Variants in SPAG16 observed in about 807,000 individuals in gnomAD.
SPAG16 encodes sperm associated antigen 16, also known as sperm-associated antigen 16 protein.
SPAG16 carries 86 observed loss-of-function variants against 80.4 expected under a neutral mutation model. The observed-to-expected ratio is 1.07, with a 90% confidence interval of 0.90 to 1.28. The LOEUF (loss-of-function observed/expected upper bound fraction) is 1.28, where lower values mean the gene tolerates loss of function less well. Among genes scored for constraint, SPAG16 ranks in the 50% most tolerant of loss-of-function variants. The probability of loss-of-function intolerance (pLI) is 0.00; values close to 1 mark genes in which losing one functional copy is unlikely to be tolerated. For missense variants in SPAG16, 870 were observed against 765.3 expected (o/e 1.14, Z -1.61); for synonymous variants, 294 against 265.9 (o/e 1.11, Z -1.03).
At chr2:213,385,620 G>A (rs951663896) in intron 9 of SPAG16, among the ~76,000 whole-genome samples, 5 of 152,158 alleles carry the variant, frequency 3.3e-5, no homozygotes, top group African/African-American at 1.2e-4. Context: ...TATATTGTAA[G>A]AATGGCATGT....
At chr2:213,956,437 T>C (rs1323694575) in intron 12 of SPAG16, among the ~76,000 whole-genome samples, 2 of 136,024 alleles carry the variant, frequency 1.5e-5, no homozygotes, top group African/African-American at 5.1e-5. Context: ...CTTTACTCCA[T>C]TTTTTTTCCT....
At chr2:214,172,818 T>C (rs1443379887) in intron 15 of SPAG16, among the ~76,000 whole-genome samples, 3 of 152,134 alleles carry the variant, frequency 2.0e-5, no homozygotes, top group African/African-American at 7.2e-5. Context: ...TGGTATCTCA[T>C]TGTGGTTTTG....
At chr2:214,268,359 T>C (rs1383661496) in intron 15 of SPAG16, among the ~76,000 whole-genome samples, 1 of 151,902 alleles carries the variant, frequency 6.6e-6, no homozygotes, top group African/African-American at 2.4e-5. Context: ...CCCATGTTGA[T>C]TGTAGTACTC....
chr2:214,274,902 T>C (rs1021409985), intron 15 of SPAG16, among the ~76,000 whole-genome samples: 15 of 152,210 alleles, frequency 9.9e-5, no homozygotes, highest in African/African-American at 2.9e-4. Context: ...TCTAGTAGAA[T>C]TGAGCTGTGA....
At chr2:214,056,825 A>C (rs2049969537) in intron 13 of SPAG16, among the ~76,000 whole-genome samples, 1 of 152,204 alleles carries the variant, frequency 6.6e-6, no homozygotes, top group Non-Finnish European at 1.5e-5. Flanking sequence ...TTTATCAGTT[A>C]AGTTTATGGA....
At position 213,393,248 on chromosome 2, in the gene SPAG16, T is replaced by A. The variant is rs1346130901; in HGVS notation, c.942+18129T>A. On this transcript the variant is annotated intron_variant, in intron 9 of 15. Transcript: ENST00000331683. ...AACATTTTGAAAACTTTGGTCATTA[T>A]AAATACTTACATTAGCTATATTTCA... Among the ~76,000 whole-genome samples, 3 of 152,054 alleles carry A rather than the reference T, an allele frequency of 2.0e-5. No homozygotes were observed. The East Asian group carries it at 5.8e-4, about 29-fold the overall frequency.
intron 13 of SPAG16, among the ~76,000 whole-genome samples, chr2:214,057,508 G>A (rs2050008654): frequency 1.3e-5 from 2 of 151,982 alleles, no homozygotes; most frequent in Non-Finnish European, 2.9e-5. Context: ...AGGCTTTATT[G>A]TTCCATTCAT....
intron 11 of SPAG16, among the ~76,000 whole-genome samples, chr2:213,914,050 A>C: frequency 6.6e-6 from 1 of 152,148 alleles, no homozygotes; most frequent in East Asian, 1.9e-4. Context: ...ATGTTTGACC[A>C]AACATTGTGG....
At chr2:214,030,554 T>C (rs1392049493) in intron 13 of SPAG16, among the ~76,000 whole-genome samples, 1 of 152,190 alleles carries the variant, frequency 6.6e-6, no homozygotes, top group African/African-American at 2.4e-5. Context: ...AGTGCCATAG[T>C]TAGAAATTTG....
At chr2:213,777,937 G>C (rs149368195) in intron 10 of SPAG16, among the ~76,000 whole-genome samples, 9 of 152,144 alleles carry the variant, frequency 5.9e-5, no homozygotes, top group Admixed American at 3.9e-4. Flanking sequence ...TCATCTTCCT[G>C]AAGAGCAAAG....
chr2:213,375,277 G>A (rs1307183660), intron 9 of SPAG16, 158 bp downstream of exon 9: 4 of 498,626 alleles, frequency 8.0e-6, no homozygotes, highest in East Asian at 3.4e-5. Context: ...GTATCCAAAT[G>A]TTACTAGTAA....
intron 14 of SPAG16, among the ~76,000 whole-genome samples, chr2:214,136,866 G>A (rs968160963): frequency 1.4e-4 from 21 of 152,210 alleles, no homozygotes; most frequent in African/African-American, 4.6e-4. Context: ...CTCCTAATGA[G>A]CCTAAACATT....
intron 15 of SPAG16, among the ~76,000 whole-genome samples, chr2:214,338,076 A>C (rs1405056227): frequency 6.6e-6 from 1 of 152,174 alleles, no homozygotes; most frequent in Non-Finnish European, 1.5e-5. Context: ...TATAGGTGAA[A>C]CCCAAAGTTA....
At chr2:213,472,121 A>G (rs1042499049) in intron 9 of SPAG16, among the ~76,000 whole-genome samples, 1 of 152,204 alleles carries the variant, frequency 6.6e-6, no homozygotes, top group Admixed American at 6.5e-5. Flanking sequence ...AAAGCGATCA[A>G]GGTGTCTCCG....
intron 15 of SPAG16, among the ~76,000 whole-genome samples, chr2:214,154,502 C>T (rs1277051149): frequency 2.2e-5 from 3 of 137,524 alleles, no homozygotes; most frequent in Non-Finnish European, 4.7e-5. Flanking sequence ...TATCAGACCC[C>T]CCCCCCCCAT....
At chr2:213,812,084 G>A (rs2072194410) in intron 10 of SPAG16, among the ~76,000 whole-genome samples, 2 of 152,140 alleles carry the variant, frequency 1.3e-5, no homozygotes, top group South Asian at 4.1e-4. Context: ...CAGGCTGCCA[G>A]GAAGACAGTT....
intron 5 of SPAG16, among the ~76,000 whole-genome samples, chr2:213,323,807 G>A (rs2063732969): frequency 6.6e-6 from 1 of 152,154 alleles, no homozygotes; most frequent in Admixed American, 6.6e-5. Context: ...TAAAAAGAGG[G>A]AAATTCTGTA....
At chr2:213,590,085 G>A (rs907192668) in intron 10 of SPAG16, among the ~76,000 whole-genome samples, 8 of 151,832 alleles carry the variant, frequency 5.3e-5, no homozygotes, top group African/African-American at 1.9e-4. Context: ...AACCAACTTG[G>A]CAGTCAAAAA....
chr2:214,123,027 T>G (rs1416006893), intron 14 of SPAG16, among the ~76,000 whole-genome samples: 4 of 151,934 alleles, frequency 2.6e-5, no homozygotes, highest in African/African-American at 9.7e-5. Flanking sequence ...GCCTTAATAC[T>G]TTTTGTACTT....
Sources: allele counts gnomAD v4.1 joint callset (sites outside exome capture counted in the v4.1 genomes callset), GRCh38; gene constraint gnomAD v4.1.1; transcripts MANE v1.5; gene names NCBI Gene and HGNC (gene_info 2026-07-23, HGNC 2026-07-21).